Variants in CCDC175 observed in about 807,000 individuals in gnomAD.
CCDC175 encodes the protein coiled-coil domain-containing protein 175.
Under a neutral mutation model 114.6 loss-of-function variants are expected in CCDC175, and 100 were observed. That is an observed-to-expected ratio of 0.87 (90% CI 0.74 to 1.03). CCDC175 has a LOEUF of 1.03. Ranked by LOEUF, CCDC175 falls within the 50% of genes least tolerant of loss-of-function variation. The pLI, the probability that CCDC175 is intolerant of heterozygous loss-of-function variation, is 0.00. For missense variants in CCDC175, 880 were observed against 917.8 expected (o/e 0.96, Z 0.53); for synonymous variants, 306 against 308.7 (o/e 0.99, Z 0.09).
chr14:59,530,003 T>A (rs948781841), intron 14 of CCDC175, among the ~76,000 whole-genome samples: 1 of 152,228 alleles, frequency 6.6e-6, no homozygotes, highest in African/African-American at 2.4e-5. Context: ...TTTTGCTTAC[T>A]TTTATACTCC....
At chr14:59,514,426 T>TA (rs1892943305) in intron 17 of CCDC175, among the ~76,000 whole-genome samples, 1 of 152,020 alleles carries the variant, frequency 6.6e-6, no homozygotes, top group African/African-American at 2.4e-5. Flanking sequence ...GAAAAAAAAT[T>TA]AGACGAATGG....
At chr14:59,519,774 C>T (rs550624647) in intron 17 of CCDC175, among the ~76,000 whole-genome samples, 1 of 152,332 alleles carries the variant, frequency 6.6e-6, no homozygotes, top group East Asian at 1.9e-4. Context: ...GAGTGACTGC[C>T]TCAACCATTA....
chr14:59,516,599 C>G (rs1267417758), intron 17 of CCDC175, among the ~76,000 whole-genome samples: 1 of 152,202 alleles, frequency 6.6e-6, no homozygotes, highest in African/African-American at 2.4e-5. Flanking sequence ...GACACATACA[C>G]CCTCCGAAGA....
At chr14:59,572,863 G>T in intron 2 of CCDC175, 50 bp from the exon 3 acceptor site, 1 of 1,129,544 alleles carries the variant, frequency 8.9e-7, no homozygotes, top group Non-Finnish European at 1.2e-6. Flanking sequence ...AAAATAGTAA[G>T]ATTGATTTCC....
At chr14:59,510,579 A>G in intron 19 of CCDC175, 67 bp downstream of exon 19, 1 of 1,462,994 alleles carries the variant, frequency 6.8e-7, no homozygotes, top group Non-Finnish European at 9.2e-7. Context: ...TCTTCTTTTG[A>G]TGTTACCAGC....
At chr14:59,529,911 C>A (rs2140001990) in intron 14 of CCDC175, among the ~76,000 whole-genome samples, 1 of 152,284 alleles carries the variant, frequency 6.6e-6, no homozygotes, top group South Asian at 2.1e-4. Flanking sequence ...TACTTCTTTT[C>A]TCCTGTCTTC....
chr14:59,538,674 G>T (rs756249108), intron 12 of CCDC175, 31 bp downstream of exon 12: 6 of 1,501,770 alleles, frequency 4.0e-6, no homozygotes, highest in South Asian at 3.8e-5. Flanking sequence ...CAATGTAGGG[G>T]ACTAATTCTA....
At chr14:59,540,816 A>T in intron 10 of CCDC175, 70 bp from the exon 11 acceptor site, 2 of 1,246,730 alleles carry the variant, frequency 1.6e-6, no homozygotes, top group South Asian at 1.4e-5. Flanking sequence ...CTCTATACGC[A>T]TAATTTGTAT....
At chr14:59,539,365 G>A (rs1894617187) in intron 11 of CCDC175, among the ~76,000 whole-genome samples, 1 of 152,038 alleles carries the variant, frequency 6.6e-6, no homozygotes, top group Non-Finnish European at 1.5e-5. Context: ...ATCACCTGAG[G>A]TCAGGCATTC....
intron 10 of CCDC175, among the ~76,000 whole-genome samples, chr14:59,541,660 T>C (rs1191970553): frequency 6.6e-6 from 1 of 152,196 alleles, no homozygotes; most frequent in Non-Finnish European, 1.5e-5. Context: ...CACCCCAACC[T>C]TACTGATTTT....
intron 7 of CCDC175, among the ~76,000 whole-genome samples, chr14:59,551,981 A>T (rs1242392517): frequency 2.6e-5 from 4 of 152,256 alleles, no homozygotes; most frequent in African/African-American, 9.6e-5. Context: ...AAGATGGAAC[A>T]GGGTGGAGCC....
intron 7 of CCDC175, among the ~76,000 whole-genome samples, chr14:59,555,533 C>A (rs1209269387): frequency 6.6e-6 from 1 of 152,168 alleles, no homozygotes; most frequent in Non-Finnish European, 1.5e-5. Flanking sequence ...AAACTGGAAG[C>A]ATTCCCTTGG....
chr14:59,516,667 G>A (rs1467742454), intron 17 of CCDC175, among the ~76,000 whole-genome samples: 1 of 152,136 alleles, frequency 6.6e-6, no homozygotes, highest in Non-Finnish European at 1.5e-5. Context: ...TGAAATTGAA[G>A]CAATAATTAA....
At position 59,561,227 on chromosome 14, in the gene CCDC175, A is replaced by G; in HGVS notation, c.845T>C (p.Val282Ala). The G allele has an allele frequency of 6.6e-7, 1 of 1,515,260 alleles. No homozygotes were observed. Among genetic ancestry groups the G allele is most frequent in the Non-Finnish European group, 8.9e-7 (1 of 1,128,880 alleles). The allele number at this position is 1,515,260 out of a possible 1,614,324, so 93.9% of individuals were successfully genotyped here. The change falls in exon 7 of 20, where the codon GTT (valine) becomes GCT (alanine). Residue 282 changes from valine (V) to alanine (A), a missense_variant and splice_region_variant. Physicochemically the swap from Val to Ala is moderately conservative, Grantham distance 64. Coordinates refer to ENST00000537690, the MANE Select transcript of CCDC175 (RefSeq NM_001164399.2). ...TATCTCTAAATTGTGATCACTAAGA[A>G]CCTATTAAAAATTAAACAAAAATAT... ...IKETVTVSAA[V>A]LSDHNLEIAR... is the part of the protein sequence containing the mutation.
rs544324285 is a variant in CCDC175, at chr14:59,555,937, T to C, written c.954-4501A>G. Among the ~76,000 whole-genome samples, 951 of 152,206 alleles carry C rather than the reference T, an allele frequency of 6.2e-3. 6 individuals are homozygous for C. Among genetic ancestry groups the C allele is most frequent in the African/African-American group, 0.022 (895 of 41,510 alleles). On this transcript the variant is annotated intron_variant, in intron 7 of 19. Transcript: ENST00000537690. Reference sequence around the variant, plus strand: ...TGTGAAGGACCTCTTCAAAGAGAACTACAAACCACTGCTCAACGAAATAAA... The same window carrying C: ...TGTGAAGGACCTCTTCAAAGAGAACCACAAACCACTGCTCAACGAAATAAA...
At chr14:59,571,073 G>A (rs1049636777) in intron 3 of CCDC175, among the ~76,000 whole-genome samples, 1 of 148,380 alleles carries the variant, frequency 6.7e-6, no homozygotes, top group East Asian at 2.0e-4. Context: ...AATTCCTGGA[G>A]AAGAACTCAG....
At chr14:59,505,480 A>G (rs1892296064) in intron 19 of CCDC175, 165 bp from the exon 20 acceptor site, 4 of 402,514 alleles carry the variant, frequency 9.9e-6, no homozygotes, top group Admixed American at 4.0e-5. Context: ...TACTAGGACT[A>G]TATCTTCTGG....
intron 3 of CCDC175, among the ~76,000 whole-genome samples, chr14:59,570,887 C>T (rs190559582): frequency 7.4e-4 from 112 of 152,170 alleles, no homozygotes; most frequent in Non-Finnish European, 1.3e-3. Context: ...TACAGGCATG[C>T]GCCACCACGC....
chr14:59,542,704 G>A (rs1894858351), intron 10 of CCDC175, among the ~76,000 whole-genome samples: 1 of 151,844 alleles, frequency 6.6e-6, no homozygotes, highest in Non-Finnish European at 1.5e-5. Context: ...AAACTCAACA[G>A]GTAAGCATAA....
Sources: gnomAD v4.1 joint callset for allele counts (sites outside exome capture counted in the v4.1 genomes callset) on GRCh38, gnomAD v4.1.1 for gene constraint, MANE v1.5 for transcripts, NCBI Gene and HGNC (gene_info 2026-07-23, HGNC 2026-07-21) for gene names.